The following MMP24 variants were observed in gnomAD, a reference collection of about 807,000 sequenced individuals.
The protein encoded by MMP24 is matrix metallopeptidase 24.
Under a neutral mutation model 62.8 loss-of-function variants are expected in MMP24, and 25 were observed. The ratio of observed to expected loss-of-function variants is 0.40; its 90% confidence interval spans 0.29 to 0.56. The LOEUF is 0.56. Ranked by LOEUF, MMP24 falls within the 20% of genes least tolerant of loss-of-function variation. MMP24 has a pLI of 0.50. For synonymous variants in MMP24, 319 were observed against 350.5 expected (o/e 0.91, Z 1.00); for missense variants, 634 against 853.6 (o/e 0.74, Z 3.21).
chr20:35,235,798 G>A (rs1208447901), intron 1 of MMP24, among the ~76,000 whole-genome samples: 3 of 152,132 alleles, frequency 2.0e-5, no homozygotes, highest in Admixed American at 1.3e-4. Flanking sequence ...AAGAAGTCGA[G>A]CCTCAGGGGA....
intron 1 of MMP24, among the ~76,000 whole-genome samples, chr20:35,241,098 C>T (rs1477462193): frequency 6.6e-6 from 1 of 152,122 alleles, no homozygotes; most frequent in Non-Finnish European, 1.5e-5. Context: ...TTGGAGGCAG[C>T]AGAAACAGCC....
chr20:35,229,364 G>A (rs1451238681), intron 1 of MMP24, among the ~76,000 whole-genome samples: 1 of 152,028 alleles, frequency 6.6e-6, no homozygotes. Flanking sequence ...TGGTCTCTTG[G>A]GGCCCCCTGC....
At chr20:35,231,607 A>G (rs143976707) in intron 1 of MMP24, among the ~76,000 whole-genome samples, 98 of 152,292 alleles carry the variant, frequency 6.4e-4, no homozygotes, top group Non-Finnish European at 1.1e-3. Flanking sequence ...CACTTCCCAT[A>G]TGCCATGTAT....
intron 6 of MMP24, among the ~76,000 whole-genome samples, chr20:35,268,838 T>C (rs901695712): frequency 6.6e-5 from 10 of 151,912 alleles, no homozygotes; most frequent in South Asian, 2.1e-4. Flanking sequence ...CCATCCTGGC[T>C]AACATGGTGA....
In MMP24 at chr20:35,276,554, G is replaced by T; in HGVS notation, c.*1945G>T. On this transcript the variant is annotated 3_prime_UTR_variant, in exon 9 of 9. Coordinates refer to ENST00000246186, the MANE Select transcript of MMP24 (RefSeq NM_006690.4). ...CCCTCTAGGGTCTGAGATGAGATGA[G>T]AAGTGTCTCCTGTATCCACCTCTTC... The T allele has an allele frequency of 2.8e-6, 1 of 359,688 alleles. No individual in the cohort carries two copies. The highest frequency in any genetic ancestry group is 4.0e-5 in the East Asian group (1 of 24,822). The allele number at this position is 359,688 out of a possible 1,614,324, so 22.3% of individuals were successfully genotyped here.
chr20:35,230,351 G>A (rs1174080430), intron 1 of MMP24, among the ~76,000 whole-genome samples: 3 of 152,126 alleles, frequency 2.0e-5, no homozygotes, highest in East Asian at 1.9e-4. Context: ...TCTTAGGCAA[G>A]GCTTTCTTGA....
chr20:35,255,269 TGCAGTGA>T (rs2060569236), intron 4 of MMP24, among the ~76,000 whole-genome samples: 1 of 151,592 alleles, frequency 6.6e-6, no homozygotes, highest in East Asian at 1.9e-4. Flanking sequence ...AGGCAGAGGT[TGCAGTGA>T]GCCGAGATCG....
At chr20:35,246,008 G>A (rs1235232564) in intron 1 of MMP24, among the ~76,000 whole-genome samples, 4 of 151,474 alleles carry the variant, frequency 2.6e-5, no homozygotes, top group African/African-American at 7.3e-5. Context: ...TTTATTTATA[G>A]TGCCTTGCTT....
chr20:35,256,377 T>G (rs768443389), intron 4 of MMP24: 2 of 152,014 alleles, frequency 1.3e-5, no homozygotes, highest in Non-Finnish European at 2.9e-5. Context: ...GCTTCCATGG[T>G]TCTCAAACTG....
intron 1 of MMP24, among the ~76,000 whole-genome samples, chr20:35,229,942 GGCA>G (rs1321827998): frequency 6.6e-6 from 1 of 151,946 alleles, no homozygotes; most frequent in East Asian, 1.9e-4. Flanking sequence ...ACATTTTTAA[GGCA>G]GCCCCAGCCA....
chr20:35,270,536 T>C (rs528070277), intron 7 of MMP24, among the ~76,000 whole-genome samples: 2 of 152,320 alleles, frequency 1.3e-5, no homozygotes, highest in African/African-American at 4.8e-5. Context: ...CAGAATGTGG[T>C]CTTGATCCAT....
chr20:35,253,787 A>G (rs1222467041), intron 3 of MMP24, among the ~76,000 whole-genome samples: 2 of 152,020 alleles, frequency 1.3e-5, no homozygotes, highest in African/African-American at 4.8e-5. Flanking sequence ...GAATATTTTT[A>G]TAACTTTTAT....
intron 3 of MMP24, among the ~76,000 whole-genome samples, chr20:35,253,418 A>G (rs890621995): frequency 3.3e-5 from 5 of 151,860 alleles, no homozygotes; most frequent in Non-Finnish European, 7.4e-5. Context: ...TTAAGAATCT[A>G]GGTTAGAAAC....
chr20:35,252,803 G>A (rs1568614944), intron 3 of MMP24, among the ~76,000 whole-genome samples: 1 of 150,140 alleles, frequency 6.7e-6, no homozygotes, highest in African/African-American at 2.5e-5. Flanking sequence ...TGGGGCAAGG[G>A]GCAGGCACTG....
intron 7 of MMP24, among the ~76,000 whole-genome samples, 173 bp downstream of exon 7, chr20:35,270,071 G>C (rs115123520): frequency 6.6e-6 from 1 of 152,218 alleles, no homozygotes; most frequent in Admixed American, 6.5e-5. Flanking sequence ...CTGAGAATCT[G>C]TATGTGCCGA....
chr20:35,243,987 T>G (rs1233365493), intron 1 of MMP24, among the ~76,000 whole-genome samples: 1 of 152,250 alleles, frequency 6.6e-6, no homozygotes, highest in Non-Finnish European at 1.5e-5. Context: ...CAAGGCTTTA[T>G]TATTCCAACA....
intron 4 of MMP24, among the ~76,000 whole-genome samples, chr20:35,260,700 C>T (rs1259764899): frequency 1.3e-5 from 2 of 152,268 alleles, no homozygotes; most frequent in Non-Finnish European, 2.9e-5. Flanking sequence ...AGAAGGCCAG[C>T]CCCAGGCTTT....
In MMP24 at chr20:35,269,439, C is replaced by T. The variant is rs1205411; in HGVS notation, c.1195-321C>T. Among the ~76,000 whole-genome samples, 23,055 of 152,178 alleles carry T rather than the reference C, an allele frequency of 0.15. 1,891 individuals are homozygous for T. The highest frequency in any genetic ancestry group is 0.21 in the African/African-American group (8,714 of 41,488). ...TCCCGAGGACCAGTCTGGCTGATGT[C>T]AGTGACGCTCCACTGCCCCCATGTG... On this transcript the variant is annotated intron_variant, in intron 6 of 8. Transcript: ENST00000246186. This position sits in a 1 kb window ranked among gnomAD's most constrained non-coding sequence, Gnocchi z 4.6.
chr20:35,242,066 CT>C (rs1231997000), intron 1 of MMP24, among the ~76,000 whole-genome samples: 3 of 152,154 alleles, frequency 2.0e-5, no homozygotes, highest in Admixed American at 1.3e-4. Flanking sequence ...TCTTGTGGCT[CT>C]ACGCCTGTAA....
Sources: allele counts gnomAD v4.1 joint callset (sites outside exome capture counted in the v4.1 genomes callset), GRCh38; gene constraint gnomAD v4.1.1; non-coding constraint Gnocchi (gnomAD v3.1); transcripts MANE v1.5; gene names NCBI Gene and HGNC (gene_info 2026-07-23, HGNC 2026-07-21).